SMAD2: variants seen among roughly 807,000 people sequenced by gnomAD.
SMAD2 encodes the protein MAD homolog 2.
SMAD2 carries 8 observed loss-of-function variants against 64.4 expected under a neutral mutation model. The ratio of observed to expected loss-of-function variants is 0.12; its 90% confidence interval spans 0.07 to 0.22. SMAD2 has a LOEUF of 0.22. Among genes scored for constraint, SMAD2 ranks in the 10% least tolerant of loss-of-function variants. The probability of loss-of-function intolerance (pLI) is 1.00; values close to 1 mark genes in which losing one functional copy is unlikely to be tolerated. For missense variants in SMAD2, 289 were observed against 561.2 expected, an observed-to-expected ratio of 0.51 and a Z score of 4.90; for synonymous variants, 203 against 195.8, an observed-to-expected ratio of 1.04 and a Z score of -0.31.
rs1339804685 is a variant in SMAD2, at chr18:47,830,219, T to C, written c.*11608A>G. On this transcript the variant is annotated 3_prime_UTR_variant, in exon 11 of 11. Transcript: ENST00000262160. ...CAGACACTAATAAGTTTTTTTTCAA[T>C]ATAAAAGAGCAACCTAGACATTCCT... The C allele has an allele frequency of 6.6e-6, 1 of 152,148 alleles. No homozygotes were observed. Among genetic ancestry groups the C allele is most frequent in the Admixed American group, 6.5e-5 (1 of 15,278 alleles). 9.4% of individuals were successfully genotyped at this position (152,148 alleles called of 1,614,324 possible).
intron 1 of SMAD2, among the ~76,000 whole-genome samples, chr18:47,919,174 G>A (rs1462729573): frequency 2.0e-5 from 3 of 151,976 alleles, no homozygotes; most frequent in Admixed American, 6.6e-5. Context: ...GAGAGCAATG[G>A]CTTCGTAATT....
chr18:47,828,935 TAAAAAAAAAAAAAAAAAA>T lies in SMAD2; in HGVS notation c.*12874_*12891del, dbSNP rs747216495. 4 of 32,486 alleles carry T rather than the reference TAAAAAAAAAAAAAAAAAA, an allele frequency of 1.2e-4. No individual in the cohort carries two copies. In the East Asian group the frequency reaches 4.3e-3, roughly 35 times the overall value. 2.0% of individuals were successfully genotyped at this position (32,486 alleles called of 1,614,324 possible). A position where few individuals can be genotyped will look rare whatever the true frequency, so the allele number is the denominator to read the frequency against. On this transcript the variant is annotated 3_prime_UTR_variant, in exon 11 of 11. Transcript: ENST00000262160. ...ACACCCAAGAATGATCAATAAATAC[TAAAAAAAAAAAAAAAAAA>T]AAAAAAAAAGACTTTAGTTCAAGTT...
Position 47,903,872 on chromosome 18 carries a change from A to AGT in SMAD2, c.-53-7065_-53-7064dup, listed in dbSNP as rs200145118. Among the ~76,000 whole-genome samples, 331 of 19,662 alleles carry AGT rather than the reference A, an allele frequency of 0.017. 13 individuals are homozygous for AGT. The East Asian group carries it at 0.17, about 10-fold the overall frequency. 12.9% of individuals were successfully genotyped at this position (19,662 alleles called of 152,430 possible). The stretch of plus-strand genomic sequence containing the variant: ...ATTGAAACACAAAGAGGGAAAAAAC[A>AGT]GTGTGGGGGGGGGGGGGACTCAGAA... On this transcript the variant is annotated intron_variant, in intron 1 of 10. Coordinates refer to ENST00000262160, the MANE Select transcript of SMAD2 (RefSeq NM_005901.6).
rs1444966257 is a variant in SMAD2 at position 47,812,360 on chromosome 18, A to C, written c.*29467T>G. On this transcript the variant is annotated 3_prime_UTR_variant, in exon 11 of 11. Transcript: ENST00000262160. ...CCCCAGCCATGTAAAACTGTGAGTC[A>C]ATTAAACCTCTTTTATAAATTACCC... The C allele has an allele frequency of 6.6e-6, 1 of 152,142 alleles. No homozygotes were observed. Among genetic ancestry groups the C allele is most frequent in the Non-Finnish European group, 1.5e-5 (1 of 68,066 alleles). The allele number at this position is 152,142 out of a possible 1,614,324, so 9.4% of individuals were successfully genotyped here.
In SMAD2 at chr18:47,840,754, T is replaced by C. The variant is rs1913863263; in HGVS notation, c.*1073A>G. 8.7e-6 allele frequency: 2 copies of C among 231,208 alleles called. No homozygotes were observed. Among genetic ancestry groups the C allele is most frequent in the Admixed American group, 1.1e-4 (2 of 17,716 alleles). The allele number at this position is 231,208 out of a possible 1,614,324, so 14.3% of individuals were successfully genotyped here. A position where few individuals can be genotyped will look rare whatever the true frequency, so the allele number is the denominator to read the frequency against. ...TACTCGAAGAGCAGAAGGTCTGCTG[T>C]TGAAATATTGTAAAATACCTTTGGA... On this transcript the variant is annotated 3_prime_UTR_variant, in exon 11 of 11. Coordinates refer to ENST00000262160, the MANE Select transcript of SMAD2 (RefSeq NM_005901.6).
intron 2 of SMAD2, among the ~76,000 whole-genome samples, chr18:47,892,981 T>C (rs781457332): frequency 3.6e-4 from 55 of 152,224 alleles, no homozygotes; most frequent in Non-Finnish European, 7.1e-4. Flanking sequence ...AATTTCAATT[T>C]TGCTTTACTG....
rs1266028528 is a variant in SMAD2, at chr18:47,837,761, A to G, written c.*4066T>C. On this transcript the variant is annotated 3_prime_UTR_variant, in exon 11 of 11. Coordinates refer to ENST00000262160, the MANE Select transcript of SMAD2 (RefSeq NM_005901.6). ...CAATGCCTTCGATCAGAGTAAGAAA[A>G]AAGTATTCATTGTTCATGTCCACAG... 1 of 232,850 alleles carries G rather than the reference A, an allele frequency of 4.3e-6. No individual in the cohort carries two copies. The highest frequency in any genetic ancestry group is 2.2e-5 in the African/African-American group (1 of 45,302). The allele number at this position is 232,850 out of a possible 1,614,324, so 14.4% of individuals were successfully genotyped here. A position where few individuals can be genotyped will look rare whatever the true frequency, so the allele number is the denominator to read the frequency against.
chr18:47,885,130 T>TACACACAC (rs1221476932), intron 2 of SMAD2, among the ~76,000 whole-genome samples: 1 of 64,254 alleles, frequency 1.6e-5, no homozygotes, highest in African/African-American at 7.3e-5. Context: ...GATTTAGTCA[T>TACACACAC]ATACACACAC....
intron 2 of SMAD2, 74 bp from the exon 3 acceptor site, chr18:47,870,638 A>T: frequency 3.1e-6 from 3 of 956,250 alleles, no homozygotes; most frequent in African/African-American, 1.6e-5. Flanking sequence ...ATGATGTAAA[A>T]CATGGAGAAT....
intron 1 of SMAD2, among the ~76,000 whole-genome samples, chr18:47,920,791 G>A (rs990882868): frequency 1.3e-5 from 2 of 152,182 alleles, no homozygotes; most frequent in East Asian, 1.9e-4. Flanking sequence ...CTATATAAAC[G>A]AAGTTATTTG....
At chr18:47,893,853 C>G (rs991224904) in intron 2 of SMAD2, among the ~76,000 whole-genome samples, 2 of 152,088 alleles carry the variant, frequency 1.3e-5, no homozygotes, top group South Asian at 2.1e-4. Flanking sequence ...TTTGCAACAT[C>G]TAAAAAAACC....
At chr18:47,859,355 A>C (rs1034632069) in intron 6 of SMAD2, among the ~76,000 whole-genome samples, 4 of 152,190 alleles carry the variant, frequency 2.6e-5, no homozygotes, top group African/African-American at 7.2e-5. Context: ...TGACATTTGG[A>C]ACACTATAGT....
rs115373337 is a variant in SMAD2, at chr18:47,823,170, A to G, written c.*18657T>C. On this transcript the variant is annotated 3_prime_UTR_variant, in exon 11 of 11. Coordinates refer to ENST00000262160, the MANE Select transcript of SMAD2 (RefSeq NM_005901.6). The stretch of plus-strand genomic sequence containing the variant: ...TTCTCAGCATTACACTGAATTAAAA[A>G]TTATCATTTCCTGGCAGGCCCAGGA... 4.5e-3 allele frequency: 681 copies of G among 152,326 alleles called. 3 individuals carry two copies. The highest frequency in any genetic ancestry group is 0.015 in the African/African-American group (636 of 41,564). 9.4% of individuals were successfully genotyped at this position (152,326 alleles called of 1,614,324 possible).
In SMAD2 at chr18:47,835,012, A is replaced by T; in HGVS notation, c.*6815T>A. 4.5e-6 allele frequency: 1 copy of T among 221,838 alleles called. No individual in the cohort carries two copies. 13.7% of individuals were successfully genotyped at this position (221,838 alleles called of 1,614,324 possible). Reference sequence around the variant, plus strand: ...AAGATGGCGAAAGGAATATTCTCAGATATGAACATTTTTTATTCTGCCTAC... The same window carrying T: ...AAGATGGCGAAAGGAATATTCTCAGTTATGAACATTTTTTATTCTGCCTAC... On this transcript the variant is annotated 3_prime_UTR_variant, in exon 11 of 11. Transcript: ENST00000262160.
At chr18:47,909,763 C>A (rs2034048547) in intron 1 of SMAD2, among the ~76,000 whole-genome samples, 1 of 152,272 alleles carries the variant, frequency 6.6e-6, no homozygotes, top group East Asian at 1.9e-4. Context: ...AGTCAAGTAC[C>A]CTGCCAGTAA....
intron 2 of SMAD2, chr18:47,882,405 C>T (rs1396013578): frequency 3.3e-5 from 5 of 150,516 alleles, no homozygotes; most frequent in Non-Finnish European, 5.9e-5. Flanking sequence ...CTTTGTTGAC[C>T]AGGCTGGTCT....
chr18:47,815,163 C>G lies in SMAD2; in HGVS notation c.*26664G>C, dbSNP rs981455302. On this transcript the variant is annotated 3_prime_UTR_variant, in exon 11 of 11. Transcript: ENST00000262160. ...TAGGAAGAACCTTTGAAAAGCTGAG[C>G]ATTTATCCAAAGAGATGGTTTTAAG... 6.6e-6 allele frequency: 1 copy of G among 152,248 alleles called. No homozygotes were observed. The highest frequency in any genetic ancestry group is 1.5e-5 in the Non-Finnish European group (1 of 68,062). The allele number at this position is 152,248 out of a possible 1,614,324, so 9.4% of individuals were successfully genotyped here. A position where few individuals can be genotyped will look rare whatever the true frequency, so the allele number is the denominator to read the frequency against.
rs1301828582 is a variant in SMAD2 at position 47,834,092 on chromosome 18, T to C, written c.*7735A>G. 1 of 214,370 alleles carries C rather than the reference T, an allele frequency of 4.7e-6. No individual in the cohort carries two copies. The highest frequency in any genetic ancestry group is 2.3e-5 in the African/African-American group (1 of 44,134). The allele number at this position is 214,370 out of a possible 1,614,324, so 13.3% of individuals were successfully genotyped here. On this transcript the variant is annotated 3_prime_UTR_variant, in exon 11 of 11. Transcript: ENST00000262160. ...TATAAATCTCATGTTCCATTCAAAG[T>C]ACTAAATGACTGGATGGCACATATC...
At chr18:47,870,688 T>C in intron 2 of SMAD2, 124 bp from the exon 3 acceptor site, 1 of 752,382 alleles carries the variant, frequency 1.3e-6, no homozygotes, top group Non-Finnish European at 2.4e-6. Flanking sequence ...ATACAATTGC[T>C]TCACTTTTTC....
Sources: allele counts gnomAD v4.1 joint callset (sites outside exome capture counted in the v4.1 genomes callset), GRCh38; gene constraint gnomAD v4.1.1; transcripts MANE v1.5; gene names NCBI Gene and HGNC (gene_info 2026-07-23, HGNC 2026-07-21).